PLCG1: variants seen among roughly 807,000 people sequenced by gnomAD.
PLCG1 encodes 1-phosphatidylinositol 4,5-bisphosphate phosphodiesterase gamma-1.
Under a neutral mutation model 177.8 loss-of-function variants are expected in PLCG1, and 71 were observed. The observed-to-expected ratio is 0.40, with a 90% CI of 0.33 to 0.49. PLCG1 has a LOEUF of 0.49. PLCG1 is among the 20% of genes least tolerant of loss of function. The pLI is 0.72. For missense variants in PLCG1, 1,281 were observed against 1,709.0 expected (o/e 0.75, Z 4.42); for synonymous variants, 658 against 647.9 (o/e 1.02, Z -0.24).
rs550161844 is a variant in PLCG1, at chr20:41,158,130, A to G, written c.218-1476A>G. 7.6e-4 allele frequency among the ~76,000 whole-genome samples: 116 copies of G among 152,226 alleles called. 2 individuals carry two copies. The highest frequency in any genetic ancestry group is 2.7e-3 in the African/African-American group (114 of 41,526). On this transcript the variant is annotated intron_variant, in intron 1 of 31. Transcript: ENST00000685551. ...GGAGCTAGGGTTAGGGCCAGAAGCA[A>G]TGCCCACTGTTCCAGGTGGGATAGA...
chr20:41,160,225 G>A lies in PLCG1; in HGVS notation c.512+72G>A, dbSNP rs556219928. 1.4e-4 allele frequency: 201 copies of A among 1,400,648 alleles called. No individual in the cohort carries two copies. Among genetic ancestry groups the A allele is most frequent in the Admixed American group, 2.9e-4 (17 of 59,496 alleles). The allele number at this position is 1,400,648 out of a possible 1,614,324, so 86.8% of individuals were successfully genotyped here. A position where few individuals can be genotyped will look rare whatever the true frequency, so the allele number is the denominator to read the frequency against. ...TCCAGAACCTTAGCCAGGCCTCTAA[G>A]TAGCTGCCCGGAGAGCCAGAGGACC... On this transcript the variant is annotated intron_variant, in intron 4 of 31. Coordinates refer to ENST00000685551, the MANE Select transcript of PLCG1 (RefSeq NM_002660.3). The surrounding 1 kb of genome is among the most constrained non-coding windows in gnomAD (Gnocchi z 5.5).
In PLCG1 at chr20:41,150,561, G is replaced by A. The variant is rs1279029475; in HGVS notation, c.218-9045G>A. Among the ~76,000 whole-genome samples the A allele has an allele frequency of 6.6e-6, 1 of 152,198 alleles. No individual in the cohort carries two copies. Among genetic ancestry groups the A allele is most frequent in the African/African-American group, 2.4e-5 (1 of 41,440 alleles). On this transcript the variant is annotated intron_variant, in intron 1 of 31. Transcript: ENST00000685551. The surrounding 1 kb of genome is among the most constrained non-coding windows in gnomAD (Gnocchi z 4.0). ...GAGCACACTAGACTCCTGACACAGA[G>A]GCTGACCCATGGCTGCCTGGAGAAT...
rs2035409233 is a variant in PLCG1, at chr20:41,159,025, G to T, written c.218-581G>T. 6.6e-6 allele frequency among the ~76,000 whole-genome samples: 1 copy of T among 152,180 alleles called. No individual in the cohort carries two copies. Among genetic ancestry groups the T allele is most frequent in the Non-Finnish European group, 1.5e-5 (1 of 68,040 alleles). On this transcript the variant is annotated intron_variant, in intron 1 of 31. Coordinates refer to ENST00000685551, the MANE Select transcript of PLCG1 (RefSeq NM_002660.3). The surrounding 1 kb of genome is among the most constrained non-coding windows in gnomAD (Gnocchi z 6.0). Reference sequence around the variant, plus strand: ...TGGTCCCAGGCAAAATGGTGGTCTGGGTCCAGGATGGTTGCTGCTCTTGGA... The same window carrying T: ...TGGTCCCAGGCAAAATGGTGGTCTGTGTCCAGGATGGTTGCTGCTCTTGGA...
chr20:41,155,360 C>T (rs1056675154), intron 1 of PLCG1, among the ~76,000 whole-genome samples: 4 of 152,308 alleles, frequency 2.6e-5, no homozygotes, highest in South Asian at 2.1e-4. Context: ...TCTACTCCCA[C>T]GAAAGCCTTC....
In PLCG1 at chr20:41,163,355, C is replaced by A; in HGVS notation, c.790-23C>A. 1.2e-6 allele frequency: 2 copies of A among 1,603,248 alleles called. No individual in the cohort carries two copies. Among genetic ancestry groups the A allele is most frequent in the Non-Finnish European group, 1.7e-6 (2 of 1,170,452 alleles). ...TCCCTGACTGGAGGCTTCTCTCATCCCCTGCCCTCCCTACCCCATCAGGAG... is the reference window on the plus strand; with the variant it reads ...TCCCTGACTGGAGGCTTCTCTCATCACCTGCCCTCCCTACCCCATCAGGAG... On this transcript the variant is annotated intron_variant, in intron 8 of 31. Transcript: ENST00000685551. This position sits in a 1 kb window ranked among gnomAD's most constrained non-coding sequence, Gnocchi z 5.2.
chr20:41,166,016 C>T lies in PLCG1; in HGVS notation c.1800-178C>T, dbSNP rs1309669227. On this transcript the variant is annotated intron_variant, in intron 16 of 31. Coordinates refer to ENST00000685551, the MANE Select transcript of PLCG1 (RefSeq NM_002660.3). The surrounding 1 kb of genome is among the most constrained non-coding windows in gnomAD (Gnocchi z 8.6). ...CCCCCCCCCCATACCCCTCCCTTTT[C>T]GGTTCATTTGAAGCCCACACCTTTG... Among the ~76,000 whole-genome samples the T allele has an allele frequency of 5.3e-4, 74 of 139,182 alleles. No homozygotes were observed. Among genetic ancestry groups the T allele is most frequent in the Non-Finnish European group, 2.0e-4 (13 of 64,648 alleles). The allele number at this position is 139,182 out of a possible 152,430, so 91.3% of individuals were successfully genotyped here. A position where few individuals can be genotyped will look rare whatever the true frequency, so the allele number is the denominator to read the frequency against.
Position 41,153,054 on chromosome 20 carries a change from A to T in PLCG1, c.218-6552A>T, listed in dbSNP as rs1370872378. Among the ~76,000 whole-genome samples, 2 of 152,196 alleles carry T rather than the reference A, an allele frequency of 1.3e-5. No individual in the cohort carries two copies. Among genetic ancestry groups the T allele is most frequent in the Non-Finnish European group, 1.5e-5 (1 of 68,030 alleles). ...GGCCTTGAGGGGTTCTGGGGTCCAC[A>T]GGCCACAGGTGGGGGTAGTAAAAAC... On this transcript the variant is annotated intron_variant, in intron 1 of 31. Transcript: ENST00000685551. This position sits in a 1 kb window ranked among gnomAD's most constrained non-coding sequence, Gnocchi z 5.1.
In PLCG1 at chr20:41,165,051, G is replaced by A. The variant is rs2035634600; in HGVS notation, c.1336G>A (p.Ala446Thr). The stretch of plus-strand genomic sequence containing the variant: ...CCTCACCAAGCCCGTGGAGATCTCT[G>A]CCGACGGGCTCCCCTCACCCAACCA... ...TLLTKPVEIS[A>T]DGLPSPNQLK... The change falls in exon 13 of 32, where the codon GCC becomes ACC. Residue 446 changes from alanine (A) to threonine (T), a missense_variant. This residue lies in a region of PLCG1 where 723 missense variants were observed against 1,030.0 expected (regional missense o/e 0.70). Coordinates refer to ENST00000685551, the MANE Select transcript of PLCG1 (RefSeq NM_002660.3). This position sits in a 1 kb window ranked among gnomAD's most constrained non-coding sequence, Gnocchi z 6.6. 6.2e-7 allele frequency: 1 copy of A among 1,613,914 alleles called. No homozygotes were observed. Among genetic ancestry groups the A allele is most frequent in the Admixed American group, 1.7e-5 (1 of 59,964 alleles).
intron 1 of PLCG1, among the ~76,000 whole-genome samples, chr20:41,142,801 T>G (rs1056024783): frequency 1.3e-5 from 2 of 152,168 alleles, no homozygotes; most frequent in African/African-American, 4.8e-5. Context: ...ATAAAGTGCT[T>G]AGCACCTGTA....
chr20:41,171,847 A>G (rs2035910867), intron 24 of PLCG1, among the ~76,000 whole-genome samples: 1 of 152,220 alleles, frequency 6.6e-6, no homozygotes, highest in South Asian at 2.1e-4. Flanking sequence ...GAGGCTGGGT[A>G]ATAAATGGTC....
chr20:41,170,906 G>A (rs1245651969), intron 24 of PLCG1: 1 of 152,640 alleles, frequency 6.6e-6, no homozygotes, highest in African/African-American at 2.4e-5. Flanking sequence ...GCCTTTGTAG[G>A]GCCTGTCCTT....
chr20:41,156,532 T>C lies in PLCG1; in HGVS notation c.218-3074T>C, dbSNP rs986147826. Among the ~76,000 whole-genome samples, 4 of 152,144 alleles carry C rather than the reference T, an allele frequency of 2.6e-5. No individual in the cohort carries two copies. The South Asian group carries it at 8.3e-4, about 32-fold the overall frequency. ...TGCTACTTGTGGGATCCTGCCCTTG[T>C]TCTCAAAGAGTTCCTCCTTCTCACT... On this transcript the variant is annotated intron_variant, in intron 1 of 31. Transcript: ENST00000685551. This position sits in a 1 kb window ranked among gnomAD's most constrained non-coding sequence, Gnocchi z 5.0.
intron 1 of PLCG1, among the ~76,000 whole-genome samples, chr20:41,138,893 C>T (rs1252500263): frequency 6.6e-6 from 1 of 152,184 alleles, no homozygotes; most frequent in Admixed American, 6.5e-5. Context: ...GCTCTGCCCT[C>T]CATTCCCCCG....
At position 41,170,167 on chromosome 20, in the gene PLCG1, G is replaced by A. The variant is rs745780711; in HGVS notation, c.2706G>A (p.Ala902=). ...TCTTCGTCTTCTCCATCAGCATGGC[G>A]TCGGTGGCCCACTGGTCCCTGGATG... is the stretch of plus-strand genomic sequence containing the variant. The part of the protein sequence containing the change: ...NRLFVFSISM[A]SVAHWSLDVA... The change falls in exon 24 of 32, where the codon GCG becomes GCA. Residue 902 remains alanine, a synonymous_variant. Transcript: ENST00000685551. The A allele has an allele frequency of 1.2e-5, 20 of 1,614,070 alleles. No individual in the cohort carries two copies. The highest frequency in any genetic ancestry group is 2.2e-5 in the East Asian group (1 of 44,872).
chr20:41,162,295 T>G (rs1257972119), intron 4 of PLCG1, 157 bp from the exon 5 acceptor site: 1 of 316,474 alleles, frequency 3.2e-6, no homozygotes, highest in Admixed American at 4.5e-5. Flanking sequence ...AGGAAGGGAC[T>G]AACCTCACCC....
Position 41,150,379 on chromosome 20 carries a change from G to A in PLCG1, c.218-9227G>A, listed in dbSNP as rs1007457524. Among the ~76,000 whole-genome samples the A allele has an allele frequency of 2.6e-5, 4 of 152,188 alleles. No homozygotes were observed. Among genetic ancestry groups the A allele is most frequent in the Admixed American group, 2.0e-4 (3 of 15,286 alleles). On this transcript the variant is annotated intron_variant, in intron 1 of 31. Transcript: ENST00000685551. This position sits in a 1 kb window ranked among gnomAD's most constrained non-coding sequence, Gnocchi z 4.0. ...TCCAAGTAGCCTGAGTGTACTATGT[G>A]GGGGAGCATTTTATGAGGGACTTTT...
rs1434096207 is a variant in PLCG1, at chr20:41,168,812, G to A, written c.2425G>A (p.Glu809Lys). The A allele has an allele frequency of 2.5e-6, 4 of 1,612,782 alleles. No individual in the cohort carries two copies. Among genetic ancestry groups the A allele is most frequent in the Admixed American group, 1.7e-5 (1 of 60,002 alleles). The part of the protein sequence containing the change: ...LFDYKAQRED[E>K]LTFIKSAIIQ... ...TGACTACAAGGCCCAGAGGGAGGAC[G>A]AGCTGACCTTCATCAAGAGCGCCAT... Residue 809 changes from glutamate (E) to lysine (K), a missense_variant, in exon 21 of 32, where the codon GAG becomes AAG. Glu to Lys is a moderately conservative substitution (Grantham distance 56). Transcript: ENST00000685551.
intron 1 of PLCG1, among the ~76,000 whole-genome samples, chr20:41,141,853 A>G (rs1245745223): frequency 6.6e-6 from 1 of 152,286 alleles, no homozygotes; most frequent in Admixed American, 6.5e-5. Flanking sequence ...GGGACCCACA[A>G]CACCTCCAGC....
chr20:41,163,121 G>A lies in PLCG1; in HGVS notation c.717-82G>A. The A allele has an allele frequency of 6.7e-7, 1 of 1,496,418 alleles. No individual in the cohort carries two copies. 92.7% of individuals were successfully genotyped at this position (1,496,418 alleles called of 1,614,324 possible). ...CTGGACCATTCTGGGAAGCTGTGCTGGCTGGGAGTTGGGTTCTGCCTTCCG... is the reference window on the plus strand; with the variant it reads ...CTGGACCATTCTGGGAAGCTGTGCTAGCTGGGAGTTGGGTTCTGCCTTCCG... On this transcript the variant is annotated intron_variant, in intron 7 of 31. Transcript: ENST00000685551. This position sits in a 1 kb window ranked among gnomAD's most constrained non-coding sequence, Gnocchi z 5.2.
Sources: gnomAD v4.1 joint callset for allele counts (sites outside exome capture counted in the v4.1 genomes callset) on GRCh38, gnomAD v4.1.1 for gene constraint, gnomAD v4.1.1 regional missense constraint, Gnocchi (gnomAD v3.1) non-coding constraint, MANE v1.5 for transcripts, NCBI Gene and HGNC (gene_info 2026-07-23, HGNC 2026-07-21) for gene names.